The following CDH2 variants were observed in gnomAD, a reference collection of about 807,000 sequenced individuals.
CDH2 encodes cadherin-2.
Under a neutral mutation model 92.0 loss-of-function variants are expected in CDH2, and 17 were observed. That is an observed-to-expected ratio of 0.18 (90% CI 0.13 to 0.28). The LOEUF (loss-of-function observed/expected upper bound fraction) is 0.28. Among genes scored for constraint, CDH2 ranks in the 10% least tolerant of loss-of-function variants. The pLI is 1.00. For synonymous variants in CDH2, 419 were observed against 415.9 expected (o/e 1.01, Z -0.09); for missense variants, 862 against 1,133.1 (o/e 0.76, Z 3.44).
intron 2 of CDH2, among the ~76,000 whole-genome samples, chr18:28,074,444 C>A (rs1338944942): frequency 6.6e-6 from 1 of 152,092 alleles, no homozygotes; most frequent in Non-Finnish European, 1.5e-5. Context: ...ATGGGTTTCA[C>A]CATGTTGGTC....
At chr18:27,974,365 T>C (rs1316059702) in intron 14 of CDH2, among the ~76,000 whole-genome samples, 1 of 152,232 alleles carries the variant, frequency 6.6e-6, no homozygotes, top group African/African-American at 2.4e-5. Context: ...CCAACAACTG[T>C]CATGTCAGAA....
intron 1 of CDH2, among the ~76,000 whole-genome samples, chr18:28,152,327 A>G (rs1359448016): frequency 6.6e-6 from 1 of 152,206 alleles, no homozygotes; most frequent in East Asian, 1.9e-4. Context: ...CTTTCAAGAA[A>G]CATGTACTGA....
At chr18:28,151,811 T>C (rs2016127129) in intron 1 of CDH2, among the ~76,000 whole-genome samples, 1 of 152,228 alleles carries the variant, frequency 6.6e-6, no homozygotes, top group Non-Finnish European at 1.5e-5. Context: ...AAGCTTTTTC[T>C]GTAAAGGGTA....
chr18:28,067,542 T>G (rs1397022010), intron 2 of CDH2, among the ~76,000 whole-genome samples: 1 of 152,220 alleles, frequency 6.6e-6, no homozygotes, highest in Non-Finnish European at 1.5e-5. Flanking sequence ...GTTTCATCCA[T>G]GTAGTAGATG....
chr18:28,120,590 T>A (rs907701936), intron 2 of CDH2, among the ~76,000 whole-genome samples: 1 of 152,128 alleles, frequency 6.6e-6, no homozygotes, highest in Non-Finnish European at 1.5e-5. Flanking sequence ...ACACGCTGTA[T>A]GTATTTAGAA....
At chr18:28,128,002 ACAGATGATC>A (rs1234097582) in intron 2 of CDH2, among the ~76,000 whole-genome samples, 1 of 152,168 alleles carries the variant, frequency 6.6e-6, no homozygotes, top group Non-Finnish European at 1.5e-5. Context: ...AAAAAGATAA[ACAGATGATC>A]CATTGATCAT....
At chr18:28,064,604 A>T (rs944402389) in intron 2 of CDH2, among the ~76,000 whole-genome samples, 1 of 152,036 alleles carries the variant, frequency 6.6e-6, no homozygotes. Flanking sequence ...GATGAATGGA[A>T]CTGGCCACCT....
rs183929414 is a variant in CDH2, at chr18:28,049,438, C to A, written c.173-35529G>T. Among the ~76,000 whole-genome samples the A allele has an allele frequency of 2.6e-5, 4 of 152,174 alleles. No individual in the cohort carries two copies. The East Asian group carries it at 7.7e-4, about 29-fold the overall frequency. ...TCACACAGAGACGAAATGAACAGGA[C>A]AAATATACACTGTGGTAGTACTAAA... On this transcript the variant is annotated intron_variant, in intron 2 of 15. Transcript: ENST00000269141.
chr18:27,981,761 G>C (rs2847364), intron 14 of CDH2, among the ~76,000 whole-genome samples: 150,951 of 152,336 alleles, frequency 0.99, 74,817 homozygotes, highest in Middle Eastern at 1. Context: ...CAATTAGCAG[G>C]CTTATCAATA....
At chr18:27,997,352 A>G (rs1202456101) in intron 7 of CDH2, among the ~76,000 whole-genome samples, 2 of 152,188 alleles carry the variant, frequency 1.3e-5, no homozygotes, top group Non-Finnish European at 2.9e-5. Context: ...AGTGACCAAA[A>G]CGAGATACAG....
chr18:28,150,259 G>A (rs895613342), intron 1 of CDH2, among the ~76,000 whole-genome samples: 25 of 152,348 alleles, frequency 1.6e-4, no homozygotes, highest in African/African-American at 5.5e-4. Context: ...AGAAGCCAGC[G>A]ATGGAAGGCA....
At chr18:28,122,204 T>G (rs972354300) in intron 2 of CDH2, among the ~76,000 whole-genome samples, 1 of 152,104 alleles carries the variant, frequency 6.6e-6, no homozygotes, top group Non-Finnish European at 1.5e-5. Context: ...ATGCCATGTC[T>G]CCAGGAAACC....
intron 5 of CDH2, among the ~76,000 whole-genome samples, chr18:28,006,324 T>C (rs968708922): frequency 1.3e-5 from 2 of 152,192 alleles, no homozygotes; most frequent in African/African-American, 4.8e-5. Context: ...TGAAGGTCAC[T>C]GCTGTCTCTG....
chr18:28,072,329 C>CT (rs2014634125), intron 2 of CDH2, among the ~76,000 whole-genome samples: 1 of 152,214 alleles, frequency 6.6e-6, no homozygotes, highest in East Asian at 1.9e-4. Context: ...CTTCCAGCTT[C>CT]TAAGCAGTGC....
intron 2 of CDH2, among the ~76,000 whole-genome samples, chr18:28,118,826 G>A (rs1036227855): frequency 1.3e-5 from 2 of 151,824 alleles, no homozygotes; most frequent in Non-Finnish European, 2.9e-5. Flanking sequence ...CTAATTAAAT[G>A]GGAAAATATG....
intron 15 of CDH2, among the ~76,000 whole-genome samples, chr18:27,959,915 TGAGGATG>T (rs1199032150): frequency 6.6e-6 from 1 of 151,744 alleles, no homozygotes; most frequent in Admixed American, 6.6e-5. Flanking sequence ...TTTGGAAGGT[TGAGGATG>T]GAGGATGGCT....
chr18:28,103,786 A>G (rs1488273346), intron 2 of CDH2, among the ~76,000 whole-genome samples: 1 of 152,110 alleles, frequency 6.6e-6, no homozygotes, highest in African/African-American at 2.4e-5. Context: ...TTTGCTCAGA[A>G]TGATGGTTTC....
Position 28,011,941 on chromosome 18 carries a change from T to C in CDH2, c.451A>G (p.Ser151Gly), listed in dbSNP as rs765538223. Residue 151 changes from serine to glycine, a missense_variant, in exon 4 of 16, where the codon AGT becomes GGT. By Grantham distance (56) the Ser-to-Gly change is moderately conservative. Coordinates refer to ENST00000269141, the MANE Select transcript of CDH2 (RefSeq NM_001792.5). ...CTCTTCTGCCTTTGTAGGTGGCCAC[T>C]GTGCTTACTGAATTGTCTTGGGAAC... ...IVFPRQFSKHSGHLQRQKRDW... is the reference protein window; with the variant it reads ...IVFPRQFSKHGGHLQRQKRDW... 11 of 1,613,796 alleles carry C rather than the reference T, an allele frequency of 6.8e-6. No individual in the cohort carries two copies. The Admixed American group carries it at 1.7e-4, about 24-fold the overall frequency.
At chr18:28,167,583 G>A (rs1385000246) in intron 1 of CDH2, among the ~76,000 whole-genome samples, 1 of 152,052 alleles carries the variant, frequency 6.6e-6, no homozygotes, top group East Asian at 1.9e-4. Context: ...TCATGCTGTT[G>A]GAAGTCAAAT....
Sources: allele counts gnomAD v4.1 joint callset (sites outside exome capture counted in the v4.1 genomes callset), GRCh38; gene constraint gnomAD v4.1.1; transcripts MANE v1.5; gene names NCBI Gene and HGNC (gene_info 2026-07-23, HGNC 2026-07-21).